Variants in MCUB observed in about 807,000 individuals in gnomAD.
MCUB encodes calcium uniporter regulatory subunit MCUb, mitochondrial.
A neutral mutation model predicts 41.4 loss-of-function variants in MCUB; 46 were observed. That is an observed-to-expected ratio of 1.11 (90% confidence interval 0.88 to 1.42). MCUB has a LOEUF of 1.42. Ranked by LOEUF, MCUB falls within the 40% of genes most tolerant of loss-of-function variation. MCUB has a pLI of 0.00. For missense variants in MCUB, 403 were observed against 404.9 expected (o/e 1.00, Z 0.04); for synonymous variants, 148 against 148.2 (o/e 1.00, Z 0.01).
intron 1 of MCUB, among the ~76,000 whole-genome samples, chr4:109,629,990 T>C (rs1216082100): frequency 6.6e-6 from 1 of 152,206 alleles, no homozygotes; most frequent in African/African-American, 2.4e-5. Context: ...GCTCCCGTCC[T>C]GAAGCTACCT....
intron 1 of MCUB, among the ~76,000 whole-genome samples, chr4:109,581,760 CA>C (rs1727181444): frequency 1.3e-5 from 2 of 152,028 alleles, no homozygotes; most frequent in African/African-American, 4.8e-5. Context: ...TTTATGCAGC[CA>C]AAAAACACAT....
chr4:109,580,429 G>C (rs1727143323), intron 1 of MCUB, among the ~76,000 whole-genome samples: 1 of 152,186 alleles, frequency 6.6e-6, no homozygotes, highest in African/African-American at 2.4e-5. Flanking sequence ...GGTATTTCTA[G>C]TTCTAGATCC....
intron 3 of MCUB, among the ~76,000 whole-genome samples, chr4:109,662,336 A>G (rs1182542670): frequency 6.6e-6 from 1 of 152,218 alleles, no homozygotes; most frequent in African/African-American, 2.4e-5. Context: ...CTAAGCTTCT[A>G]GGGGCAGGCA....
chr4:109,611,252 TC>T (rs2126133369), intron 1 of MCUB, among the ~76,000 whole-genome samples: 1 of 152,366 alleles, frequency 6.6e-6, no homozygotes, highest in East Asian at 1.9e-4. Context: ...GAGAGAGTCT[TC>T]CTGGCACTTT....
Position 109,660,187 on chromosome 4 carries a change from C to A in MCUB, c.176-8C>A. 7.4e-7 allele frequency: 1 copy of A among 1,358,028 alleles called. No individual in the cohort carries two copies. Among genetic ancestry groups the A allele is most frequent in the Non-Finnish European group, 9.9e-7 (1 of 1,009,530 alleles). 84.1% of individuals were successfully genotyped at this position (1,358,028 alleles called of 1,614,324 possible). ...TTACTCATTTTTTTTTCTTTTTTTC[C>A]TTAACAGAAATAACAGTTATTTATA... On this transcript the variant is annotated splice_region_variant and splice_polypyrimidine_tract_variant and intron_variant, in intron 2 of 7. Coordinates refer to ENST00000394650, the MANE Select transcript of MCUB (RefSeq NM_017918.5).
At chr4:109,664,186 CTATTA>C (rs910725480) in intron 3 of MCUB, 99 bp from the exon 4 acceptor site, 2 of 687,626 alleles carry the variant, frequency 2.9e-6, no homozygotes, top group Non-Finnish European at 5.3e-6. Context: ...AAATTGTCCA[CTATTA>C]TATTGTAAAG....
chr4:109,658,423 G>A (rs1205240213), intron 1 of MCUB, among the ~76,000 whole-genome samples: 2 of 151,948 alleles, frequency 1.3e-5, no homozygotes, highest in African/African-American at 2.4e-5. Context: ...TCAGCCTCGC[G>A]AGTAGCTGGG....
chr4:109,609,314 T>G (rs1727948712), intron 1 of MCUB, among the ~76,000 whole-genome samples: 1 of 152,192 alleles, frequency 6.6e-6, no homozygotes, highest in African/African-American at 2.4e-5. Context: ...GGTTATTTCT[T>G]GATGATATGC....
chr4:109,576,853 C>CT (rs1440772216), intron 1 of MCUB, among the ~76,000 whole-genome samples: 2 of 152,032 alleles, frequency 1.3e-5, no homozygotes, highest in Non-Finnish European at 2.9e-5. Flanking sequence ...TCTTTCTTTT[C>CT]TTTCTTGTTT....
chr4:109,577,599 T>C (rs13133693), intron 1 of MCUB, among the ~76,000 whole-genome samples: 2 of 37,896 alleles, frequency 5.3e-5, no homozygotes, highest in Non-Finnish European at 1.2e-4. Flanking sequence ...ACTTGAATTC[T>C]TTTTTTTTTT....
intron 1 of MCUB, among the ~76,000 whole-genome samples, chr4:109,619,103 G>A (rs971014501): frequency 1.3e-5 from 2 of 151,586 alleles, no homozygotes; most frequent in African/African-American, 4.9e-5. Flanking sequence ...GTCTTGCTCT[G>A]TCATCCAGGC....
At chr4:109,673,742 A>G in intron 4 of MCUB, 1 of 531,544 alleles carries the variant, frequency 1.9e-6, no homozygotes, top group Non-Finnish European at 3.3e-6. Context: ...CAAGGAAGAC[A>G]CATAAATGAG....
chr4:109,597,916 G>C (rs1338021950), intron 1 of MCUB, among the ~76,000 whole-genome samples: 1 of 151,170 alleles, frequency 6.6e-6, no homozygotes, highest in Non-Finnish European at 1.5e-5. Flanking sequence ...CCTCCCAGAC[G>C]GGGTCGCGGC....
intron 1 of MCUB, among the ~76,000 whole-genome samples, chr4:109,605,978 GTT>G (rs1561225210): frequency 6.6e-6 from 1 of 151,556 alleles, no homozygotes; most frequent in African/African-American, 2.4e-5. Context: ...TTGTTTGTTT[GTT>G]TGTTTGTTTT....
intron 1 of MCUB, among the ~76,000 whole-genome samples, chr4:109,610,130 A>G (rs1727973817): frequency 6.6e-6 from 1 of 152,122 alleles, no homozygotes. Flanking sequence ...CGGTCAGCTC[A>G]TGGTGAATGC....
At chr4:109,660,156 TA>T in intron 2 of MCUB, 38 bp from the exon 3 acceptor site, 1 of 1,049,700 alleles carries the variant, frequency 9.5e-7, no homozygotes, top group South Asian at 1.6e-5. Flanking sequence ...TTTTTTAAAG[TA>T]AAATTTACTC....
At chr4:109,679,467 G>C (rs996029445) in intron 4 of MCUB, among the ~76,000 whole-genome samples, 1 of 152,124 alleles carries the variant, frequency 6.6e-6, no homozygotes, top group Non-Finnish European at 1.5e-5. Flanking sequence ...TCAACACGGC[G>C]AAACCCCGTC....
At chr4:109,578,167 ATC>A (rs1273687013) in intron 1 of MCUB, among the ~76,000 whole-genome samples, 4 of 152,002 alleles carry the variant, frequency 2.6e-5, no homozygotes, top group Non-Finnish European at 4.4e-5. Flanking sequence ...CTTAAAACCA[ATC>A]TCTCTCTCTT....
At chr4:109,628,693 GA>G (rs1728412663) in intron 1 of MCUB, among the ~76,000 whole-genome samples, 1 of 152,180 alleles carries the variant, frequency 6.6e-6, no homozygotes, top group Non-Finnish European at 1.5e-5. Context: ...ACCACTTACT[GA>G]GCTAGGGAAA....
Sources: gnomAD v4.1 joint callset for allele counts (sites outside exome capture counted in the v4.1 genomes callset) on GRCh38, gnomAD v4.1.1 for gene constraint, MANE v1.5 for transcripts, NCBI Gene and HGNC (gene_info 2026-07-23, HGNC 2026-07-21) for gene names.